Variants in ZGPAT observed in about 807,000 individuals in gnomAD.
ZGPAT encodes the protein zinc finger CCCH-type and G-patch domain containing, also known as zinc finger CCCH-type with G patch domain-containing protein.
ZGPAT carries 39 observed loss-of-function variants against 47.9 expected under a neutral mutation model. The ratio of observed to expected loss-of-function variants is 0.81; its 90% CI spans 0.63 to 1.06. The LOEUF is 1.06. Ranked by LOEUF, ZGPAT falls within the 50% of genes least tolerant of loss-of-function variation. The pLI, the probability that ZGPAT is intolerant of heterozygous loss-of-function variation, is 0.00. For synonymous variants in ZGPAT, 348 were observed against 292.9 expected (o/e 1.19, Z -1.92); for missense variants, 717 against 681.4 (o/e 1.05, Z -0.58).
intron 1 of ZGPAT, 159 bp downstream of exon 1, chr20:63,708,277 G>A (rs1031284908): frequency 5.3e-6 from 1 of 187,868 alleles, no homozygotes; most frequent in Non-Finnish European, 1.1e-5. Flanking sequence ...CGGCGGGCGC[G>A]GCGGGTGGGC....
intron 2 of ZGPAT, among the ~76,000 whole-genome samples, chr20:63,725,137 A>G (rs986101172): frequency 1.3e-5 from 2 of 152,032 alleles, no homozygotes; most frequent in Non-Finnish European, 1.5e-5. Flanking sequence ...GGCGCCTGCC[A>G]CCACGCCCAC....
At position 63,708,792 on chromosome 20, in the gene ZGPAT, C is replaced by T. The variant is rs757829163; in HGVS notation, c.212C>T (p.Pro71Leu). Residue 71 changes from proline to leucine, a missense_variant, in exon 2 of 7, where the codon CCG becomes CTG. Coordinates refer to ENST00000355969, the MANE Select transcript of ZGPAT (RefSeq NM_181485.3). ...SLLAALDEER[P>L]GRQEDAEYQA... The stretch of plus-strand genomic sequence containing the variant: ...TTGGCCGCGCTGGACGAAGAGCGCC[C>T]GGGCCGCCAGGAAGATGCTGAGTAC... 3.1e-6 allele frequency: 5 copies of T among 1,605,934 alleles called. No homozygotes were observed. Among genetic ancestry groups the T allele is most frequent in the Non-Finnish European group, 4.3e-6 (5 of 1,174,588 alleles).
intron 2 of ZGPAT, 104 bp from the exon 3 acceptor site, chr20:63,733,115 T>TGTCTCC (rs1360619575): frequency 4.1e-5 from 61 of 1,473,482 alleles, no homozygotes; most frequent in Non-Finnish European, 5.5e-5. Flanking sequence ...CGTGTGTGTC[T>TGTCTCC]GTCTCCCTCA....
chr20:63,727,663 C>T (rs113438431), intron 2 of ZGPAT, among the ~76,000 whole-genome samples: 2,078 of 129,784 alleles, frequency 0.016, 34 homozygotes, highest in Middle Eastern at 0.045. Context: ...GAGTGGGACT[C>T]GGTCTCAAAA....
In ZGPAT at chr20:63,733,577, C is replaced by T. The variant is rs562813988; in HGVS notation, c.719-10C>T. 6.8e-6 allele frequency: 11 copies of T among 1,614,050 alleles called. No individual in the cohort carries two copies. Among genetic ancestry groups the T allele is most frequent in the South Asian group, 1.1e-5 (1 of 91,090 alleles). ...AAGGATTCTGACCTGCAGCTTGTCT[C>T]TGCCCCCAGATGTGGACAACGGCTA... On this transcript the variant is annotated splice_polypyrimidine_tract_variant and intron_variant, in intron 3 of 6. Coordinates refer to ENST00000355969, the MANE Select transcript of ZGPAT (RefSeq NM_181485.3).
At position 63,735,200 on chromosome 20, in the gene ZGPAT, G is replaced by A. The variant is rs780142904; in HGVS notation, c.1033G>A (p.Ala345Thr). 1.9e-6 allele frequency: 3 copies of A among 1,553,300 alleles called. No homozygotes were observed. The highest frequency in any genetic ancestry group is 4.0e-5 in the Admixed American group (2 of 50,312). ...GGAAGGCCGGGTGGAGCCCATCCAT[G>A]CTGTGGTGTTGCCTCGAGGGAAGTC... ...HAEGRVEPIHAVVLPRGKSLD... is the reference protein window; with the variant it reads ...HAEGRVEPIHTVVLPRGKSLD... Residue 345 changes from alanine to threonine, a missense_variant, in exon 6 of 7, where the codon GCT (alanine) becomes ACT (threonine). By Grantham distance (58) the Ala-to-Thr change is moderately conservative. Transcript: ENST00000355969.
At chr20:63,724,376 A>AAG (rs1555829460) in intron 2 of ZGPAT, among the ~76,000 whole-genome samples, 171 of 151,216 alleles carry the variant, frequency 1.1e-3, no homozygotes, top group African/African-American at 3.4e-3. Flanking sequence ...AAAAAAAAAA[A>AAG]AAAAGAAAAG....
At chr20:63,735,669 G>A in intron 6 of ZGPAT, 105 bp downstream of exon 6, 1 of 1,517,970 alleles carries the variant, frequency 6.6e-7, no homozygotes, top group Non-Finnish European at 8.9e-7. Context: ...CTGAGTCCAG[G>A]AGGGGTCTGC....
At chr20:63,719,821 AC>A (rs2091768945) in intron 2 of ZGPAT, among the ~76,000 whole-genome samples, 1 of 150,648 alleles carries the variant, frequency 6.6e-6, no homozygotes, top group African/African-American at 2.4e-5. Context: ...GCTCACTACA[AC>A]CTCCGCCTCC....
intron 2 of ZGPAT, among the ~76,000 whole-genome samples, chr20:63,720,397 C>T (rs910385005): frequency 4.6e-5 from 7 of 151,454 alleles, no homozygotes; most frequent in African/African-American, 1.7e-4. Flanking sequence ...CCTCATGATC[C>T]TCCTGCCTCG....
At chr20:63,713,332 A>G (rs1038071599) in intron 2 of ZGPAT, among the ~76,000 whole-genome samples, 2 of 151,464 alleles carry the variant, frequency 1.3e-5, no homozygotes, top group East Asian at 2.0e-4. Context: ...CCGGGTTCAC[A>G]CCATTCTTCT....
At chr20:63,734,502 C>A in intron 4 of ZGPAT, 1 of 1,006,324 alleles carries the variant, frequency 9.9e-7, no homozygotes, top group Non-Finnish European at 1.4e-6. Context: ...ATGCCCACAG[C>A]AGCCTCGGTG....
chr20:63,732,532 C>A (rs929364408), intron 2 of ZGPAT, among the ~76,000 whole-genome samples: 1 of 151,670 alleles, frequency 6.6e-6, no homozygotes, highest in Non-Finnish European at 1.5e-5. Flanking sequence ...GGTGAGATGG[C>A]GTGTGCGTAT....
chr20:63,710,443 C>T (rs913138604), intron 2 of ZGPAT, among the ~76,000 whole-genome samples: 1 of 152,200 alleles, frequency 6.6e-6, no homozygotes, highest in African/African-American at 2.4e-5. Context: ...TGAGCCACTG[C>T]GCCTGGCCCT....
At chr20:63,734,918 G>GCTCCTCAGA in intron 5 of ZGPAT, 94 bp downstream of exon 5, 1 of 1,438,896 alleles carries the variant, frequency 6.9e-7, no homozygotes. Context: ...CAGCCATCGG[G>GCTCCTCAGA]TTCCCAGGGT....
At chr20:63,733,485 A>T in intron 3 of ZGPAT, 102 bp from the exon 4 acceptor site, 12 of 1,605,638 alleles carry the variant, frequency 7.5e-6, no homozygotes, top group Non-Finnish European at 1.0e-5. Flanking sequence ...GAGCACACCT[A>T]CCCTCAGCCT....
intron 5 of ZGPAT, 104 bp downstream of exon 5, chr20:63,734,928 TCCCGCAGCC>T: frequency 2.1e-6 from 3 of 1,415,216 alleles, no homozygotes; most frequent in South Asian, 2.9e-5. Context: ...GTTCCCAGGG[TCCCGCAGCC>T]ACAGCACTGC....
Position 63,735,543 on chromosome 20 carries a change from C to T in ZGPAT, c.1376C>T (p.Ala459Val). The change falls in exon 6 of 7, where the codon GCT becomes GTT. Residue 459 changes from alanine (A) to valine (V), a missense_variant. Transcript: ENST00000355969. Reference protein sequence around the residue: ...TQRDIRSIQEALARNAGRHSV... With the variant: ...TQRDIRSIQEVLARNAGRHSV... ...CGGGACATCAGGAGCATCCAGGAGG[C>T]TCTCGCCCGCAACGCTGGCCGGTAC... The T allele has an allele frequency of 6.6e-7, 1 of 1,516,374 alleles. No homozygotes were observed. The highest frequency in any genetic ancestry group is 8.8e-7 in the Non-Finnish European group (1 of 1,133,658). The allele number at this position is 1,516,374 out of a possible 1,614,324, so 93.9% of individuals were successfully genotyped here. A position where few individuals can be genotyped will look rare whatever the true frequency, so the allele number is the denominator to read the frequency against.
rs1215051354 is a variant in ZGPAT, at chr20:63,735,802, G to A, written c.1419G>A (p.Gln473=). The A allele has an allele frequency of 6.2e-7, 1 of 1,609,638 alleles. No homozygotes were observed. The highest frequency in any genetic ancestry group is 8.5e-7 in the Non-Finnish European group (1 of 1,178,582). Residue 473 remains glutamine (Q), a synonymous_variant, in exon 7 of 7, where the codon CAG becomes CAA. Transcript: ENST00000355969. ...GCAGGCATAGCGTGGCGTCAGCCCA[G>A]CTGCAGGAGAAGCTGGCAGGAGCCC... ...NAGRHSVASA[Q]LQEKLAGAQR...
Sources: gnomAD v4.1 joint callset for allele counts (sites outside exome capture counted in the v4.1 genomes callset) on GRCh38, gnomAD v4.1.1 for gene constraint, MANE v1.5 for transcripts, NCBI Gene and HGNC (gene_info 2026-07-23, HGNC 2026-07-21) for gene names.